Variants in MDH2 observed in about 807,000 individuals in gnomAD.
MDH2 encodes malate dehydrogenase 2.
Under a neutral mutation model 33.6 loss-of-function variants are expected in MDH2, and 25 were observed. The ratio of observed to expected loss-of-function variants is 0.74; its 90% confidence interval spans 0.54 to 1.04. The LOEUF (loss-of-function observed/expected upper bound fraction) is 1.04. Ranked by LOEUF, MDH2 falls within the 50% of genes least tolerant of loss-of-function variation. The pLI is 0.00. For synonymous variants in MDH2, 193 were observed against 188.7 expected (o/e 1.02, Z -0.19); for missense variants, 432 against 445.0 (o/e 0.97, Z 0.26).
chr7:76,059,199 C>T (rs1040935624), intron 4 of MDH2, among the ~76,000 whole-genome samples: 1 of 152,254 alleles, frequency 6.6e-6, no homozygotes, highest in Non-Finnish European at 1.5e-5. Flanking sequence ...CCGCCTCACT[C>T]TCCCAGAGTG....
chr7:76,052,562 ATTTTT>A (rs781982527), intron 1 of MDH2, among the ~76,000 whole-genome samples: 2 of 133,224 alleles, frequency 1.5e-5, no homozygotes, highest in Non-Finnish European at 1.6e-5. Context: ...GCTTTGGAAG[ATTTTT>A]TTTTTTTTTT....
chr7:76,050,928 C>T (rs1412322426), intron 1 of MDH2, among the ~76,000 whole-genome samples: 1 of 152,338 alleles, frequency 6.6e-6, no homozygotes, highest in East Asian at 1.9e-4. Context: ...GTTGCCCAGG[C>T]TGGAGTACAG....
rs1554587470 is a variant in MDH2 at position 76,064,377 on chromosome 7, A to C, written c.672A>C (p.Thr224=). ...PKVDFPQDQL[T]ALTGRIQEAG... ...TGGACTTTCCCCAGGACCAGCTGAC[A>C]GCACTCACTGGGCGGATCCAGGAGG... is the stretch of plus-strand genomic sequence containing the variant. Residue 224 remains threonine (T), a synonymous_variant, in exon 7 of 9, where the codon ACA becomes ACC. Transcript: ENST00000315758. 6.2e-7 allele frequency: 1 copy of C among 1,613,684 alleles called. No homozygotes were observed. Among genetic ancestry groups the C allele is most frequent in the Non-Finnish European group, 8.5e-7 (1 of 1,179,930 alleles).
At chr7:76,050,592 C>A (rs917939231) in intron 1 of MDH2, among the ~76,000 whole-genome samples, 1 of 152,090 alleles carries the variant, frequency 6.6e-6, no homozygotes, top group Non-Finnish European at 1.5e-5. Flanking sequence ...AGAAATGGGG[C>A]GGCCAGTTGA....
At chr7:76,063,478 C>G in intron 5 of MDH2, 37 bp from the exon 6 acceptor site, 1 of 1,599,416 alleles carries the variant, frequency 6.3e-7, no homozygotes, top group Non-Finnish European at 8.6e-7. Flanking sequence ...AGTGAAAGAG[C>G]TTGTTAACTC....
Position 76,064,373 on chromosome 7 carries a change from T to G in MDH2, c.668T>G (p.Leu223Arg). 1 of 1,613,550 alleles carries G rather than the reference T, an allele frequency of 6.2e-7. No individual in the cohort carries two copies. Among genetic ancestry groups the G allele is most frequent in the Non-Finnish European group, 8.5e-7 (1 of 1,179,914 alleles). Residue 223 changes from leucine (L) to arginine (R), a missense_variant, in exon 7 of 9, where the codon CTG (leucine) becomes CGG (arginine). Coordinates refer to ENST00000315758, the MANE Select transcript of MDH2 (RefSeq NM_005918.4). Reference protein sequence around the residue: ...TPKVDFPQDQLTALTGRIQEA... With the variant: ...TPKVDFPQDQRTALTGRIQEA... Reference sequence around the variant, plus strand: ...AAGGTGGACTTTCCCCAGGACCAGCTGACAGCACTCACTGGGCGGATCCAG... The same window carrying G: ...AAGGTGGACTTTCCCCAGGACCAGCGGACAGCACTCACTGGGCGGATCCAG...
At chr7:76,052,990 T>C (rs1797669187) in intron 1 of MDH2, among the ~76,000 whole-genome samples, 1 of 152,190 alleles carries the variant, frequency 6.6e-6, no homozygotes, top group African/African-American at 2.4e-5. Flanking sequence ...TACAGGTGCA[T>C]ACCACCATGC....
At chr7:76,058,941 G>A (rs1797865775) in intron 4 of MDH2, among the ~76,000 whole-genome samples, 1 of 152,172 alleles carries the variant, frequency 6.6e-6, no homozygotes, top group South Asian at 2.1e-4. Context: ...TGCTACTCAG[G>A]ATGGCATGCA....
chr7:76,054,712 TG>T, intron 1 of MDH2, 117 bp from the exon 2 acceptor site: 2 of 1,125,022 alleles, frequency 1.8e-6, no homozygotes, highest in Non-Finnish European at 1.3e-6. Flanking sequence ...ATACAATGAT[TG>T]TATCTTGCTT....
chr7:76,048,339 G>A, intron 1 of MDH2, 113 bp downstream of exon 1: 1 of 1,386,578 alleles, frequency 7.2e-7, no homozygotes, highest in Non-Finnish European at 9.5e-7. Context: ...CCGCAGGGAT[G>A]CCCGGCACTG....
chr7:76,064,287 T>G (rs1798032779), intron 6 of MDH2, 52 bp from the exon 7 acceptor site: 3 of 1,433,526 alleles, frequency 2.1e-6, no homozygotes, highest in Non-Finnish European at 1.9e-6. Context: ...AGGCAGTGGG[T>G]CTGGGGTCAT....
At chr7:76,051,176 C>T (rs377513119) in intron 1 of MDH2, among the ~76,000 whole-genome samples, 8 of 152,214 alleles carry the variant, frequency 5.3e-5, no homozygotes, top group African/African-American at 1.9e-4. Context: ...TGAGCCACCA[C>T]ACCCGGCCAG....
At position 76,054,929 on chromosome 7, in the gene MDH2, T is replaced by C; in HGVS notation, c.166T>C (p.Tyr56His). 6.2e-7 allele frequency: 1 copy of C among 1,614,072 alleles called. No individual in the cohort carries two copies. Among genetic ancestry groups the C allele is most frequent in the South Asian group, 1.1e-5 (1 of 91,084 alleles). ...CCCCTTGGTGAGCCGCCTGACCCTC[T>C]ATGATATCGCGCACACACCCGGAGT... ...NSPLVSRLTLYDIAHTPGVAA... is the reference protein window; with the variant it reads ...NSPLVSRLTLHDIAHTPGVAA... The change falls in exon 2 of 9, where the codon TAT becomes CAT. Residue 56 changes from tyrosine to histidine, a missense_variant. Coordinates refer to ENST00000315758, the MANE Select transcript of MDH2 (RefSeq NM_005918.4).
intron 1 of MDH2, 121 bp downstream of exon 1, chr7:76,048,347 C>A: frequency 7.3e-7 from 1 of 1,371,046 alleles, no homozygotes; most frequent in Non-Finnish European, 9.6e-7. Context: ...ATGCCCGGCA[C>A]TGGCTGGAGA....
chr7:76,063,328 C>G (rs1033892627), intron 5 of MDH2, among the ~76,000 whole-genome samples, 187 bp from the exon 6 acceptor site: 1 of 152,232 alleles, frequency 6.6e-6, no homozygotes, highest in Non-Finnish European at 1.5e-5. Flanking sequence ...CGCTCATGCT[C>G]AGCCTTTTGG....
At chr7:76,050,164 G>T (rs1797575682) in intron 1 of MDH2, among the ~76,000 whole-genome samples, 1 of 152,188 alleles carries the variant, frequency 6.6e-6, no homozygotes, top group Non-Finnish European at 1.5e-5. Context: ...GAGTAGGTGG[G>T]AATCACAGGC....
chr7:76,062,147 C>A (rs1161735437), intron 5 of MDH2, among the ~76,000 whole-genome samples: 1 of 152,202 alleles, frequency 6.6e-6, no homozygotes, highest in African/African-American at 2.4e-5. Context: ...ATCAAGAATG[C>A]ATATCAATCC....
chr7:76,050,208 T>A (rs1797578089), intron 1 of MDH2, among the ~76,000 whole-genome samples: 1 of 150,794 alleles, frequency 6.6e-6, no homozygotes, highest in East Asian at 1.9e-4. Context: ...TTTTGTAGTT[T>A]TAGTAGAGAT....
chr7:76,065,261 G>A (rs892103000), intron 8 of MDH2: 34 of 270,316 alleles, frequency 1.3e-4, no homozygotes, highest in Middle Eastern at 1.3e-3. Flanking sequence ...TCCCTACCCC[G>A]CCTGAACACC....
Sources: gnomAD v4.1 joint callset for allele counts (sites outside exome capture counted in the v4.1 genomes callset) on GRCh38, gnomAD v4.1.1 for gene constraint, MANE v1.5 for transcripts, NCBI Gene and HGNC (gene_info 2026-07-23, HGNC 2026-07-21) for gene names.